Variants in FLT1 observed in about 807,000 individuals in gnomAD.
The protein encoded by FLT1 is vascular endothelial growth factor receptor 1.
FLT1 carries 49 observed loss-of-function variants against 156.3 expected under a neutral mutation model. The observed-to-expected ratio is 0.31, with a 90% CI of 0.25 to 0.40. FLT1 has a LOEUF of 0.40. FLT1 is among the 10% of genes least tolerant of loss of function. FLT1 has a pLI of 1.00. For missense variants in FLT1, 1,322 were observed against 1,637.2 expected (o/e 0.81, Z 3.32); for synonymous variants, 594 against 583.8 (o/e 1.02, Z -0.25).
chr13:28,434,382 A>C (rs908129428), intron 4 of FLT1, among the ~76,000 whole-genome samples, 162 bp from the exon 5 acceptor site: 1 of 152,216 alleles, frequency 6.6e-6, no homozygotes, highest in Non-Finnish European at 1.5e-5. Context: ...AGTTTGTTAT[A>C]ATTGGTTCTT....
At chr13:28,466,173 T>G (rs1201388739) in intron 3 of FLT1, among the ~76,000 whole-genome samples, 1 of 152,180 alleles carries the variant, frequency 6.6e-6, no homozygotes, top group Non-Finnish European at 1.5e-5. Context: ...GGGTTCCAAT[T>G]TTACTGTGAG....
intron 16 of FLT1, among the ~76,000 whole-genome samples, chr13:28,344,070 T>C (rs1403174199): frequency 6.6e-6 from 1 of 151,414 alleles, no homozygotes; most frequent in Non-Finnish European, 1.5e-5. Flanking sequence ...GACATATATC[T>C]GTCACACTAG....
At position 28,322,905 on chromosome 13, in the gene FLT1, C is replaced by A; in HGVS notation, c.2838G>T (p.Glu946Asp). The change falls in exon 21 of 30, where the codon GAG becomes GAT. Residue 946 changes from glutamate to aspartate, a missense_variant. Physicochemically the swap from Glu to Asp is conservative, Grantham distance 45. Around this residue, in one of 3 missense-constraint regions of FLT1, gnomAD observed 991 missense variants for 1,254.8 expected, o/e 0.79. Coordinates refer to ENST00000282397, the MANE Select transcript of FLT1 (RefSeq NM_002019.4). The surrounding 1 kb of genome is among the most constrained non-coding windows in gnomAD (Gnocchi z 4.3). Reference protein sequence around the residue: ...LHMEPKKEKMEPGLEQGKKPR... With the variant: ...LHMEPKKEKMDPGLEQGKKPR... Reference sequence around the variant, plus strand: ...GTTTCTTGCCTTGTTCCAGGCCTGGCTCCATTTTTTCTTTCTTAGGCTCCA... The same window carrying A: ...GTTTCTTGCCTTGTTCCAGGCCTGGATCCATTTTTTCTTTCTTAGGCTCCA... 1 of 1,614,120 alleles carries A rather than the reference C, an allele frequency of 6.2e-7. No individual in the cohort carries two copies. Among genetic ancestry groups the A allele is most frequent in the East Asian group, 2.2e-5 (1 of 44,878 alleles).
chr13:28,332,729 T>A (rs2138844132), intron 18 of FLT1, among the ~76,000 whole-genome samples: 1 of 152,314 alleles, frequency 6.6e-6, no homozygotes, highest in South Asian at 2.1e-4. Flanking sequence ...TGTTTCCTCA[T>A]CTGCAAACTG....
At chr13:28,308,770 G>C (rs1870858577) in intron 28 of FLT1, 73 bp downstream of exon 28, 3 of 892,436 alleles carry the variant, frequency 3.4e-6, no homozygotes, top group Middle Eastern at 2.2e-4. Context: ...TACATTACTG[G>C]CGTTGGTGTT....
intron 1 of FLT1, among the ~76,000 whole-genome samples, chr13:28,481,893 A>G (rs1880873881): frequency 6.6e-6 from 1 of 152,244 alleles, no homozygotes; most frequent in South Asian, 2.1e-4. Flanking sequence ...ACAAAATAAG[A>G]ACACTTATTC....
chr13:28,456,032 C>T (rs1230963504), intron 3 of FLT1, among the ~76,000 whole-genome samples: 4 of 152,172 alleles, frequency 2.6e-5, no homozygotes, highest in South Asian at 2.1e-4. Context: ...GAATGCAACA[C>T]GAGACAGCCA....
At chr13:28,427,717 C>T in intron 9 of FLT1, 35 bp downstream of exon 9, 1 of 1,594,248 alleles carries the variant, frequency 6.3e-7, no homozygotes, top group East Asian at 2.2e-5. Context: ...TTGTTGCCTA[C>T]CAGAACCAGA....
intron 10 of FLT1, among the ~76,000 whole-genome samples, chr13:28,407,592 C>T (rs1446665018): frequency 6.6e-6 from 1 of 152,096 alleles, no homozygotes; most frequent in Non-Finnish European, 1.5e-5. Context: ...GGTGTTTGCA[C>T]CTAAACCGTA....
intron 3 of FLT1, among the ~76,000 whole-genome samples, chr13:28,459,816 C>G (rs577442728): frequency 6.6e-6 from 1 of 152,204 alleles, no homozygotes; most frequent in Non-Finnish European, 1.5e-5. Context: ...ATTTTTGAAG[C>G]TTTGGCAATC....
chr13:28,339,402 A>C (rs1872245146), intron 16 of FLT1, 102 bp from the exon 17 acceptor site: 1 of 1,299,730 alleles, frequency 7.7e-7, no homozygotes, highest in Non-Finnish European at 1.1e-6. Flanking sequence ...CATTTGGTTG[A>C]AACTGTGTGG....
chr13:28,427,099 A>G (rs2137537970), intron 10 of FLT1, 60 bp downstream of exon 10: 2 of 1,472,960 alleles, frequency 1.4e-6, no homozygotes, highest in Admixed American at 1.7e-5. Flanking sequence ...CCATTAAAAA[A>G]TCTTAATTCC....
intron 20 of FLT1, among the ~76,000 whole-genome samples, chr13:28,323,174 T>TAA (rs375048548): frequency 1.4e-5 from 2 of 145,790 alleles, no homozygotes; most frequent in African/African-American, 5.0e-5. Flanking sequence ...TTAGATCAGA[T>TAA]AAAAAAAAAA....
At chr13:28,410,634 T>G (rs1443907588) in intron 10 of FLT1, among the ~76,000 whole-genome samples, 1 of 152,252 alleles carries the variant, frequency 6.6e-6, no homozygotes, top group Non-Finnish European at 1.5e-5. Context: ...ATCTCTGTTG[T>G]GCCAATATCT....
intron 1 of FLT1, among the ~76,000 whole-genome samples, chr13:28,467,974 C>T (rs1263495306): frequency 6.6e-6 from 1 of 152,140 alleles, no homozygotes. Flanking sequence ...TAAAAACTCT[C>T]AAGAATAAAT....
intron 12 of FLT1, among the ~76,000 whole-genome samples, chr13:28,393,671 C>T (rs576239686): frequency 6.0e-4 from 91 of 152,278 alleles, no homozygotes; most frequent in African/African-American, 2.1e-3. Flanking sequence ...ACTGCAGCCT[C>T]GACCTCCTGG....
At chr13:28,370,571 T>C (rs1005477798) in intron 14 of FLT1, among the ~76,000 whole-genome samples, 1 of 152,270 alleles carries the variant, frequency 6.6e-6, no homozygotes, top group African/African-American at 2.4e-5. Context: ...TATTTCTAAA[T>C]ATTTAAAATG....
At chr13:28,463,097 T>C (rs1006440855) in intron 3 of FLT1, among the ~76,000 whole-genome samples, 3 of 152,196 alleles carry the variant, frequency 2.0e-5, no homozygotes, top group African/African-American at 7.2e-5. Flanking sequence ...AACCATTTGT[T>C]TAAGTGAAAA....
At chr13:28,433,991 A>G (rs772985697) in intron 5 of FLT1, 36 bp from the exon 6 acceptor site, 5 of 1,613,940 alleles carry the variant, frequency 3.1e-6, no homozygotes, top group South Asian at 2.2e-5. Flanking sequence ...TAAAATTAAG[A>G]TTTCATTACA....
Sources: gnomAD v4.1 joint callset for allele counts (sites outside exome capture counted in the v4.1 genomes callset) on GRCh38, gnomAD v4.1.1 for gene constraint, gnomAD v4.1.1 regional missense constraint, Gnocchi (gnomAD v3.1) non-coding constraint, MANE v1.5 for transcripts, NCBI Gene and HGNC (gene_info 2026-07-23, HGNC 2026-07-21) for gene names.